The following KDM4C variants were observed in gnomAD, a reference collection of about 807,000 sequenced individuals.
The protein encoded by KDM4C is lysine demethylase 4C, also known as lysine-specific demethylase 4C.
Under a neutral mutation model 129.3 loss-of-function variants are expected in KDM4C, and 81 were observed. The observed-to-expected ratio is 0.63, with a 90% CI of 0.52 to 0.75. The LOEUF is 0.75. KDM4C is among the 30% of genes least tolerant of loss of function. KDM4C has a pLI of 0.00. For missense variants in KDM4C, 1,457 were observed against 1,304.0 expected (o/e 1.12, Z -1.81); for synonymous variants, 573 against 456.1 (o/e 1.26, Z -3.26).
At chr9:7,028,428 C>T (rs1444593776) in intron 15 of KDM4C, among the ~76,000 whole-genome samples, 2 of 151,794 alleles carry the variant, frequency 1.3e-5, no homozygotes, top group African/African-American at 2.4e-5. Flanking sequence ...TGCCCAGTGC[C>T]ATGTCCTACA....
chr9:6,997,753 G>T (rs1363790262), intron 12 of KDM4C, among the ~76,000 whole-genome samples: 1 of 152,168 alleles, frequency 6.6e-6, no homozygotes, highest in Non-Finnish European at 1.5e-5. Context: ...AATGATAAGT[G>T]TTCCTAACCT....
At chr9:6,949,727 A>G (rs561943515) in intron 8 of KDM4C, among the ~76,000 whole-genome samples, 35 of 152,332 alleles carry the variant, frequency 2.3e-4, no homozygotes, top group African/African-American at 6.3e-4. Flanking sequence ...CTGCAATCGC[A>G]GGCACTCAGC....
chr9:6,903,575 G>C (rs1817761355), intron 8 of KDM4C, among the ~76,000 whole-genome samples: 1 of 152,160 alleles, frequency 6.6e-6, no homozygotes. Flanking sequence ...GTAGGCAAAA[G>C]GTGATTGTTG....
chr9:6,839,292 C>T (rs932213578), intron 4 of KDM4C, among the ~76,000 whole-genome samples: 1 of 152,204 alleles, frequency 6.6e-6, no homozygotes, highest in South Asian at 2.1e-4. Flanking sequence ...TGCAGTAGCG[C>T]CATCATTGCT....
At chr9:7,030,559 A>C (rs1826557770) in intron 15 of KDM4C, among the ~76,000 whole-genome samples, 1 of 152,190 alleles carries the variant, frequency 6.6e-6, no homozygotes. Context: ...GTATGTGTGC[A>C]GGCAAGAGAT....
intron 19 of KDM4C, among the ~76,000 whole-genome samples, chr9:7,161,478 A>T (rs574364037): frequency 6.6e-6 from 1 of 152,304 alleles, no homozygotes; most frequent in South Asian, 2.1e-4. Flanking sequence ...TTTTATTTTT[A>T]AAAGAAACTT....
At chr9:6,925,628 C>T (rs1822351407) in intron 8 of KDM4C, 1 of 985,400 alleles carries the variant, frequency 1.0e-6, no homozygotes, top group Non-Finnish European at 1.2e-6. Context: ...GGCTTGTTTA[C>T]CATCAGCCCT....
At chr9:7,066,268 G>C (rs774499455) in intron 17 of KDM4C, among the ~76,000 whole-genome samples, 2 of 152,110 alleles carry the variant, frequency 1.3e-5, no homozygotes, top group African/African-American at 2.4e-5. Context: ...CCTCTCATGG[G>C]ATTTACATTC....
intron 8 of KDM4C, among the ~76,000 whole-genome samples, chr9:6,955,346 C>T (rs561362889): frequency 9.2e-5 from 14 of 152,286 alleles, no homozygotes; most frequent in Admixed American, 9.2e-4. Flanking sequence ...TTGGTTTTAC[C>T]TTTGAATAGA....
chr9:7,161,298 T>C (rs1477740586), intron 19 of KDM4C, among the ~76,000 whole-genome samples: 1 of 152,196 alleles, frequency 6.6e-6, no homozygotes, highest in African/African-American at 2.4e-5. Flanking sequence ...GCTGAGGTGA[T>C]GCCCCACCCT....
intron 19 of KDM4C, among the ~76,000 whole-genome samples, chr9:7,154,516 C>T (rs1452242697): frequency 6.6e-6 from 1 of 152,164 alleles, no homozygotes; most frequent in Non-Finnish European, 1.5e-5. Context: ...TTCTAGGGAT[C>T]CCTTTAGAAG....
chr9:6,817,619 A>G (rs1302548467), intron 4 of KDM4C, among the ~76,000 whole-genome samples: 1 of 152,158 alleles, frequency 6.6e-6, no homozygotes, highest in Non-Finnish European at 1.5e-5. Context: ...CTGCATCTGA[A>G]TTTTTACTAG....
chr9:6,970,740 A>G (rs1319317528), intron 8 of KDM4C, among the ~76,000 whole-genome samples: 2 of 152,326 alleles, frequency 1.3e-5, no homozygotes, highest in East Asian at 3.9e-4. Context: ...AGAAAGTATG[A>G]GCAGAATTGG....
intron 19 of KDM4C, among the ~76,000 whole-genome samples, chr9:7,161,710 C>T (rs1214140718): frequency 4.6e-5 from 7 of 152,150 alleles, no homozygotes; most frequent in Non-Finnish European, 8.8e-5. Context: ...GTCTCACACA[C>T]ATTAGGTGGT....
intron 17 of KDM4C, among the ~76,000 whole-genome samples, chr9:7,096,879 C>T (rs1490901400): frequency 6.6e-6 from 1 of 152,126 alleles, no homozygotes; most frequent in Non-Finnish European, 1.5e-5. Context: ...TAAAAATTAG[C>T]TGCTACTACT....
chr9:6,891,066 A>G lies in KDM4C; in HGVS notation c.784-2029A>G, dbSNP rs561671829. Among the ~76,000 whole-genome samples the G allele has an allele frequency of 1.1e-3, 168 of 152,344 alleles. 1 individual carries two copies. Among genetic ancestry groups the G allele is most frequent in the African/African-American group, 3.7e-3 (153 of 41,582 alleles). Reference sequence around the variant, plus strand: ...TCCCCATCTCCAATACCATTTTAGCATCCATAACATGGCAAAGCTAATCAG... The same window carrying G: ...TCCCCATCTCCAATACCATTTTAGCGTCCATAACATGGCAAAGCTAATCAG... On this transcript the variant is annotated intron_variant, in intron 7 of 21. Transcript: ENST00000381309.
chr9:7,087,446 T>C lies in KDM4C; in HGVS notation c.2425-16239T>C, dbSNP rs76204483. Among the ~76,000 whole-genome samples the C allele has an allele frequency of 5.7e-4, 87 of 152,320 alleles. 1 individual carries two copies. In the East Asian group the frequency reaches 0.016, roughly 28 times the overall value. ...TAATAATTACCAATGTTATAGTACA[T>C]GTGTAGCTTTGATCAGTTATAAACT... On this transcript the variant is annotated intron_variant, in intron 17 of 21. Coordinates refer to ENST00000381309, the MANE Select transcript of KDM4C (RefSeq NM_015061.6).
chr9:6,782,126 G>C (rs1171445496), intron 1 of KDM4C, among the ~76,000 whole-genome samples: 3 of 152,072 alleles, frequency 2.0e-5, no homozygotes, highest in Admixed American at 1.3e-4. Context: ...GCCTGGCCTG[G>C]TTATAAATTT....
At chr9:6,884,121 G>A (rs1844892052) in intron 6 of KDM4C, among the ~76,000 whole-genome samples, 1 of 152,092 alleles carries the variant, frequency 6.6e-6, no homozygotes. Context: ...AGTTCTCCTG[G>A]CACTCCTCCT....
Sources: allele counts gnomAD v4.1 joint callset (sites outside exome capture counted in the v4.1 genomes callset), GRCh38; gene constraint gnomAD v4.1.1; transcripts MANE v1.5; gene names NCBI Gene and HGNC (gene_info 2026-07-23, HGNC 2026-07-21).